ZNF75A: variants seen among roughly 807,000 people sequenced by gnomAD.
ZNF75A encodes zinc finger protein 75A.
ZNF75A carries 36 observed loss-of-function variants against 46.3 expected under a neutral mutation model. The ratio of observed to expected loss-of-function variants is 0.78; its 90% CI spans 0.60 to 1.03. The LOEUF (loss-of-function observed/expected upper bound fraction) is 1.03. Ranked by LOEUF, ZNF75A falls within the 50% of genes least tolerant of loss-of-function variation. The pLI is 0.00. For synonymous variants in ZNF75A, 234 were observed against 189.9 expected (o/e 1.23, Z -1.91); for missense variants, 595 against 551.3 (o/e 1.08, Z -0.79).
downstream of ZNF75A, among the ~76,000 whole-genome samples, chr16:3,322,033 C>T (rs1287638486): frequency 6.6e-6 from 1 of 152,156 alleles, no homozygotes; most frequent in Admixed American, 6.5e-5. Flanking sequence ...TTCCTGGTCA[C>T]TCCTCCCTGT....
In ZNF75A at chr16:3,317,767, C is replaced by G; in HGVS notation, c.1512C>G (p.His504Gln). 6.2e-7 allele frequency: 1 copy of G among 1,614,154 alleles called. No individual in the cohort carries two copies. Among genetic ancestry groups the G allele is most frequent in the Non-Finnish European group, 8.5e-7 (1 of 1,180,022 alleles). Residue 504 changes from histidine (H) to glutamine (Q), a missense_variant, in exon 7 of 7, where the codon CAC becomes CAG. By Grantham distance (24) the His-to-Gln change is conservative (BLOSUM62 0). Transcript: ENST00000669516. ...GTCAGAACTCCCACCTTATTAAACACCGGAGAACCCACACAGGTGAGCAGC... is the reference window on the plus strand; with the variant it reads ...GTCAGAACTCCCACCTTATTAAACAGCGGAGAACCCACACAGGTGAGCAGC... ...KFSQNSHLIK[H>Q]RRTHTGEQPY...
At chr16:3,312,070 C>T (rs1452570485) in intron 3 of ZNF75A, 122 bp downstream of exon 3, 2 of 324,804 alleles carry the variant, frequency 6.2e-6, no homozygotes, top group Non-Finnish European at 8.8e-6. Context: ...GCCTTGATAG[C>T]AACTATGATG....
rs145690487 is a variant in ZNF75A at position 3,309,875 on chromosome 16, G to A, written c.408+1039G>A. Among the ~76,000 whole-genome samples, 514 of 151,880 alleles carry A rather than the reference G, an allele frequency of 3.4e-3. 4 individuals carry two copies. The highest frequency in any genetic ancestry group is 0.011 in the African/African-American group (471 of 41,380). ...TATTTCGAACACTTTAGGGGGTCGC[G>A]GTGGGAGGACTGCTTGAGACCAGCC... On this transcript the variant is annotated intron_variant, in intron 2 of 6. Transcript: ENST00000669516.
At chr16:3,322,819 T>C (rs1249235927), downstream of ZNF75A, 1 of 742,222 alleles carries the variant, frequency 1.3e-6, no homozygotes, top group Non-Finnish European at 1.6e-6. Flanking sequence ...AATCTCCAGA[T>C]TCAATTATGT....
At chr16:3,319,280 A>G (rs1349351021), downstream of ZNF75A, among the ~76,000 whole-genome samples, 8 of 151,846 alleles carry the variant, frequency 5.3e-5, no homozygotes, top group Non-Finnish European at 8.8e-5. Context: ...CGCCTGGCTA[A>G]TTTTTTGTAT....
intron 5 of ZNF75A, chr16:3,314,678 C>G: frequency 8.1e-6 from 8 of 985,296 alleles, no homozygotes; most frequent in Non-Finnish European, 8.4e-6. Flanking sequence ...GCCTACCATG[C>G]AGTTCATACG....
Position 3,317,225 on chromosome 16 carries a change from C to T in ZNF75A, c.970C>T (p.Pro324Ser), listed in dbSNP as rs185214033. ...KLKNDTENHQ[P>S]VSLSDLEIQA... ...CAAAAACGACACTGAAAATCATCAG[C>T]CTGTGTCTCTTTCTGACTTAGAAAT... is the stretch of plus-strand genomic sequence containing the variant. The change falls in exon 7 of 7, where the codon CCT becomes TCT. Residue 324 changes from proline to serine, a missense_variant. Transcript: ENST00000669516. The T allele has an allele frequency of 8.7e-6, 14 of 1,613,456 alleles. No individual in the cohort carries two copies. The highest frequency in any genetic ancestry group is 1.7e-5 in the Admixed American group (1 of 59,906).
At chr16:3,307,298 G>A (rs1960355939) in intron 1 of ZNF75A, 1 of 152,058 alleles carries the variant, frequency 6.6e-6, no homozygotes, top group African/African-American at 2.4e-5. Flanking sequence ...ATCTCTTATT[G>A]TACCTAATTT....
chr16:3,315,370 T>G (rs1961133925), intron 5 of ZNF75A, among the ~76,000 whole-genome samples: 4 of 151,796 alleles, frequency 2.6e-5, no homozygotes, highest in Admixed American at 2.0e-4. Context: ...TTTTTTTGTA[T>G]TTTTTTAGTA....
chr16:3,315,174 CAA>C (rs922718484), intron 5 of ZNF75A: 7 of 283,354 alleles, frequency 2.5e-5, no homozygotes, highest in Non-Finnish European at 3.7e-5. Context: ...TCAGGGCAAA[CAA>C]AGTACTGTCA....
chr16:3,315,128 C>T (rs1432341962), intron 5 of ZNF75A: 2 of 979,430 alleles, frequency 2.0e-6, no homozygotes, highest in African/African-American at 3.5e-5. Flanking sequence ...CATGTTTTTC[C>T]CATCTCAGTA....
At chr16:3,320,085 G>C (rs369831661), downstream of ZNF75A, among the ~76,000 whole-genome samples, 1 of 151,224 alleles carries the variant, frequency 6.6e-6, no homozygotes, top group African/African-American at 2.4e-5. Flanking sequence ...TCGCTCTGTT[G>C]CCCAGGCTGG....
chr16:3,319,793 T>TA (rs1482084003), downstream of ZNF75A, among the ~76,000 whole-genome samples: 266 of 118,472 alleles, frequency 2.2e-3, 3 homozygotes, highest in African/African-American at 5.5e-3. Flanking sequence ...ATTTTTTTTT[T>TA]TTTATTTTTT....
chr16:3,312,675 A>C lies in ZNF75A; in HGVS notation c.605-2A>C. 1.0e-6 allele frequency: 1 copy of C among 1,004,502 alleles called. No homozygotes were observed. Among genetic ancestry groups the C allele is most frequent in the Non-Finnish European group, 1.2e-6 (1 of 840,432 alleles). The allele number at this position is 1,004,502 out of a possible 1,614,324, so 62.2% of individuals were successfully genotyped here. On this transcript the variant is annotated splice_acceptor_variant, in intron 3 of 6. Transcript: ENST00000669516. LOFTEE classifies it high-confidence loss of function. ...TTTCTTCTGGCTCTTTTCCCCCCAC[A>C]GCTGTGCCTACTCAACAGATTCTAG...
Position 3,308,803 on chromosome 16 carries a change from C to G in ZNF75A, c.375C>G (p.His125Gln). The G allele has an allele frequency of 1.0e-6, 1 of 986,190 alleles. No individual in the cohort carries two copies. The highest frequency in any genetic ancestry group is 1.2e-6 in the Non-Finnish European group (1 of 830,106). 61.1% of individuals were successfully genotyped at this position (986,190 alleles called of 1,614,324 possible). A position where few individuals can be genotyped will look rare whatever the true frequency, so the allele number is the denominator to read the frequency against. ...AGGAGGCTGTGGCTCTGGTAGAACA[C>G]TTGCAGAGGGAATCTGGTCAAACAT... Reference protein sequence around the residue: ...SIEEAVALVEHLQRESGQTWN... With the variant: ...SIEEAVALVEQLQRESGQTWN... The change falls in exon 2 of 7, where the codon CAC becomes CAG. Residue 125 changes from histidine to glutamine, a missense_variant. Physicochemically the swap from His to Gln is conservative, Grantham distance 24 (BLOSUM62 0). Coordinates refer to ENST00000669516, the MANE Select transcript of ZNF75A (RefSeq NM_001302109.2).
intron 1 of ZNF75A, chr16:3,307,594 T>G (rs947551290): frequency 1.3e-5 from 2 of 152,136 alleles, no homozygotes; most frequent in African/African-American, 4.8e-5. Flanking sequence ...CATGGCTCAC[T>G]GCAACCTTGA....
chr16:3,311,615 A>T, intron 2 of ZNF75A, 138 bp from the exon 3 acceptor site: 2 of 214,394 alleles, frequency 9.3e-6, no homozygotes, highest in South Asian at 1.7e-4. Flanking sequence ...GTGGCCCAGT[A>T]TCTCTTTAAG....
At chr16:3,322,183 CAA>C (rs1389296054), downstream of ZNF75A, among the ~76,000 whole-genome samples, 1 of 152,170 alleles carries the variant, frequency 6.6e-6, no homozygotes, top group African/African-American at 2.4e-5. Context: ...AAGTGGGAAA[CAA>C]AGTTTTGCCC....
At chr16:3,321,371 C>A (rs573756110), downstream of ZNF75A, among the ~76,000 whole-genome samples, 1 of 152,148 alleles carries the variant, frequency 6.6e-6, no homozygotes, top group South Asian at 2.1e-4. Flanking sequence ...TCATTGACCC[C>A]GTCTAGTCTC....
Sources: allele counts gnomAD v4.1 joint callset (sites outside exome capture counted in the v4.1 genomes callset), GRCh38; gene constraint gnomAD v4.1.1; transcripts MANE v1.5; gene names NCBI Gene and HGNC (gene_info 2026-07-23, HGNC 2026-07-21).